Variants in PTPRD observed in about 807,000 individuals in gnomAD.
PTPRD encodes receptor-type tyrosine-protein phosphatase delta.
In PTPRD, 34 loss-of-function variants were observed where a neutral mutation model predicts 214.5. The ratio of observed to expected loss-of-function variants is 0.16; its 90% CI spans 0.12 to 0.21. The LOEUF (loss-of-function observed/expected upper bound fraction) is 0.21, where lower values mean the gene tolerates loss of function less well. Among genes scored for constraint, PTPRD ranks in the 10% least tolerant of loss-of-function variants. The pLI is 1.00. For missense variants in PTPRD, 2,545 were observed against 2,398.7 expected, an observed-to-expected ratio of 1.06 and a Z score of -1.27; for synonymous variants, 1,128 against 845.7, an observed-to-expected ratio of 1.33 and a Z score of -5.79.
chr9:8,649,118 C>G (rs2096753894), intron 12 of PTPRD, among the ~76,000 whole-genome samples: 1 of 152,132 alleles, frequency 6.6e-6, no homozygotes, highest in African/African-American at 2.4e-5. Context: ...TTTATGTTGC[C>G]AAACTCCAGA....
At chr9:10,511,113 G>A (rs565431730) in intron 2 of PTPRD, among the ~76,000 whole-genome samples, 4 of 152,172 alleles carry the variant, frequency 2.6e-5, no homozygotes, top group African/African-American at 7.2e-5. Flanking sequence ...TTATCATTGA[G>A]AATAATTCCA....
At chr9:9,860,027 C>G (rs963786174) in intron 5 of PTPRD, among the ~76,000 whole-genome samples, 1 of 152,194 alleles carries the variant, frequency 6.6e-6, no homozygotes, top group African/African-American at 2.4e-5. Context: ...ATATTTGATT[C>G]TCCTGCATTA....
rs924754815 is a variant in PTPRD, at chr9:10,259,124, A to T, written c.-545+81839T>A. 7.2e-5 allele frequency among the ~76,000 whole-genome samples: 11 copies of T among 151,952 alleles called. No homozygotes were observed. The East Asian group carries it at 1.9e-3, about 27-fold the overall frequency. On this transcript the variant is annotated intron_variant, in intron 3 of 45. Coordinates refer to ENST00000381196, the MANE Select transcript of PTPRD (RefSeq NM_002839.4). ...TGCAAGCTCCACCTCCCGGGTTCAC[A>T]CTATTCTTCTGCCTCAGCCTCCGGA...
chr9:10,036,902 T>TTATTTAGA (rs1283636832), intron 3 of PTPRD, among the ~76,000 whole-genome samples: 6 of 149,224 alleles, frequency 4.0e-5, no homozygotes, highest in African/African-American at 1.5e-4. Context: ...ATTTATTTAT[T>TTATTTAGA]TAGATAGCAC....
At chr9:9,917,328 G>C (rs1349874077) in intron 5 of PTPRD, among the ~76,000 whole-genome samples, 1 of 62,216 alleles carries the variant, frequency 1.6e-5, no homozygotes, top group African/African-American at 5.5e-5. Context: ...AAAAAAGAGA[G>C]TAGACCTAAA....
At chr9:8,752,639 A>T (rs569582211) in intron 11 of PTPRD, among the ~76,000 whole-genome samples, 2 of 152,146 alleles carry the variant, frequency 1.3e-5, no homozygotes, top group South Asian at 4.1e-4. Flanking sequence ...TAACACCACC[A>T]CCACACAAAC....
intron 9 of PTPRD, among the ~76,000 whole-genome samples, chr9:9,396,865 G>A (rs1041982948): frequency 3.3e-5 from 5 of 151,998 alleles, no homozygotes; most frequent in African/African-American, 1.2e-4. Flanking sequence ...TACCAGTACT[G>A]TGAAAGCACA....
intron 2 of PTPRD, among the ~76,000 whole-genome samples, chr9:10,525,916 C>A (rs2054145901): frequency 6.6e-6 from 1 of 152,072 alleles, no homozygotes; most frequent in Non-Finnish European, 1.5e-5. Context: ...TGCCCTAATA[C>A]TGTGCTATCC....
intron 11 of PTPRD, among the ~76,000 whole-genome samples, chr9:8,839,158 G>C (rs1323654962): frequency 6.6e-6 from 1 of 151,970 alleles, no homozygotes; most frequent in Non-Finnish European, 1.5e-5. Flanking sequence ...TCATATAACA[G>C]AAATAATTAC....
chr9:9,841,277 A>C (rs2058271431), intron 5 of PTPRD, among the ~76,000 whole-genome samples: 2 of 152,166 alleles, frequency 1.3e-5, no homozygotes, highest in Admixed American at 1.3e-4. Flanking sequence ...ATACACACAC[A>C]AAAAAGTTGA....
At chr9:9,058,049 G>T (rs986693713) in intron 10 of PTPRD, among the ~76,000 whole-genome samples, 1 of 152,104 alleles carries the variant, frequency 6.6e-6, no homozygotes, top group Non-Finnish European at 1.5e-5. Context: ...TCTAAAATGA[G>T]ATTATAGGAA....
intron 10 of PTPRD, among the ~76,000 whole-genome samples, chr9:9,100,304 G>A (rs2099789521): frequency 6.6e-6 from 1 of 152,060 alleles, no homozygotes; most frequent in Non-Finnish European, 1.5e-5. Context: ...CTGCAACCCT[G>A]TAGCTCTTCC....
intron 11 of PTPRD, among the ~76,000 whole-genome samples, chr9:8,793,268 T>G (rs2096293213): frequency 6.7e-6 from 1 of 148,570 alleles, no homozygotes; most frequent in Non-Finnish European, 1.5e-5. Context: ...TCACTCATTT[T>G]GGAATAAGCC....
At chr9:9,722,099 A>C (rs1354696913) in intron 7 of PTPRD, among the ~76,000 whole-genome samples, 2 of 151,944 alleles carry the variant, frequency 1.3e-5, no homozygotes, top group Non-Finnish European at 2.9e-5. Flanking sequence ...TATTTTACAC[A>C]CCATAAAACT....
chr9:10,066,734 T>C (rs529202908), intron 3 of PTPRD, among the ~76,000 whole-genome samples: 6 of 152,070 alleles, frequency 3.9e-5, no homozygotes, highest in African/African-American at 1.4e-4. Context: ...ACACACTCTT[T>C]GACACTTTCA....
intron 43 of PTPRD, among the ~76,000 whole-genome samples, chr9:8,332,061 G>T (rs890621606): frequency 2.6e-5 from 4 of 152,090 alleles, no homozygotes; most frequent in Non-Finnish European, 4.4e-5. Flanking sequence ...CAAAGTGGGG[G>T]TTCGTAACCA....
At chr9:9,243,334 C>T (rs1569565514) in intron 9 of PTPRD, among the ~76,000 whole-genome samples, 1 of 151,868 alleles carries the variant, frequency 6.6e-6, no homozygotes, top group African/African-American at 2.4e-5. Flanking sequence ...AGAGACACAA[C>T]AAAAAAAGAG....
At chr9:8,868,067 G>A (rs569463226) in intron 11 of PTPRD, among the ~76,000 whole-genome samples, 9 of 152,232 alleles carry the variant, frequency 5.9e-5, no homozygotes, top group South Asian at 4.1e-4. Context: ...TTGCAAACCC[G>A]TAGAATGATG....
chr9:9,640,410 G>C (rs2095901003), intron 7 of PTPRD, among the ~76,000 whole-genome samples: 1 of 152,172 alleles, frequency 6.6e-6, no homozygotes, highest in Non-Finnish European at 1.5e-5. Context: ...AGAGGAACAA[G>C]GGCCTGTTGA....
Sources: gnomAD v4.1 joint callset for allele counts (sites outside exome capture counted in the v4.1 genomes callset) on GRCh38, gnomAD v4.1.1 for gene constraint, MANE v1.5 for transcripts, NCBI Gene and HGNC (gene_info 2026-07-23, HGNC 2026-07-21) for gene names.